Variants in MSI2 observed in about 807,000 individuals in gnomAD.
MSI2 encodes the protein musashi RNA binding protein 2.
A neutral mutation model predicts 45.6 loss-of-function variants in MSI2; 17 were observed. That is an observed-to-expected ratio of 0.37 (90% confidence interval 0.26 to 0.56). The LOEUF (loss-of-function observed/expected upper bound fraction) is 0.56. MSI2 is among the 20% of genes least tolerant of loss of function. MSI2 has a pLI of 0.77. For synonymous variants in MSI2, 156 were observed against 158.2 expected, an observed-to-expected ratio of 0.99 and a Z score of 0.11; for missense variants, 293 against 444.2, an observed-to-expected ratio of 0.66 and a Z score of 3.06.
At chr17:57,334,560 G>A (rs1331443768) in intron 5 of MSI2, among the ~76,000 whole-genome samples, 3 of 152,178 alleles carry the variant, frequency 2.0e-5, no homozygotes, top group East Asian at 1.9e-4. Flanking sequence ...TTGGGAAGCC[G>A]AGGTGGGAGG....
chr17:57,398,308 T>G (rs1561945), intron 5 of MSI2, among the ~76,000 whole-genome samples: 128,390 of 152,164 alleles, frequency 0.84, 54,412 homozygotes, highest in East Asian at 0.97. Context: ...GTTCAGATTA[T>G]AGTATGGCTC....
Position 57,257,076 on chromosome 17 carries a change from CTGTTA to C in MSI2, c.63-17_63-13del. On this transcript the variant is annotated splice_polypyrimidine_tract_variant and intron_variant, in intron 1 of 13. Coordinates refer to ENST00000284073, the MANE Select transcript of MSI2 (RefSeq NM_138962.4). ...GCCGATCTGACATCGGTGCTCACTT[CTGTTA>C]TGTTTTCTCCCTCTAGTAAAATGTT... is the stretch of plus-strand genomic sequence containing the variant. 7.2e-7 allele frequency: 1 copy of C among 1,391,188 alleles called. No homozygotes were observed. The highest frequency in any genetic ancestry group is 2.0e-4 in the Middle Eastern group (1 of 4,902). 86.2% of individuals were successfully genotyped at this position (1,391,188 alleles called of 1,614,324 possible). A position where few individuals can be genotyped will look rare whatever the true frequency, so the allele number is the denominator to read the frequency against.
intron 6 of MSI2, among the ~76,000 whole-genome samples, chr17:57,494,696 T>C (rs2085940930): frequency 6.6e-6 from 1 of 152,134 alleles, no homozygotes; most frequent in African/African-American, 2.4e-5. Flanking sequence ...GCCTCTTTTT[T>C]CCTCAGTTGA....
chr17:57,296,278 G>A (rs1598086362), intron 5 of MSI2, among the ~76,000 whole-genome samples: 2 of 152,146 alleles, frequency 1.3e-5, no homozygotes, highest in Non-Finnish European at 1.5e-5. Context: ...TTAATTTTTT[G>A]TTAGGCTCCT....
chr17:57,345,652 G>A (rs1210722445), intron 5 of MSI2, among the ~76,000 whole-genome samples: 2 of 151,814 alleles, frequency 1.3e-5, no homozygotes, highest in African/African-American at 4.8e-5. Flanking sequence ...AACCCTGTCT[G>A]TGCTAAAAAT....
intron 7 of MSI2, among the ~76,000 whole-genome samples, chr17:57,568,118 G>A (rs909716164): frequency 6.6e-6 from 1 of 152,156 alleles, no homozygotes; most frequent in African/African-American, 2.4e-5. Context: ...GGGGAGCTGG[G>A]TGCAGGAGAG....
chr17:57,569,675 T>TA (rs1292458623), intron 7 of MSI2, among the ~76,000 whole-genome samples: 1 of 152,198 alleles, frequency 6.6e-6, no homozygotes. Context: ...GATTGAAAAA[T>TA]ACTTTTTAAG....
chr17:57,469,789 T>A (rs765468509), intron 6 of MSI2, among the ~76,000 whole-genome samples: 2 of 152,252 alleles, frequency 1.3e-5, no homozygotes, highest in Admixed American at 6.5e-5. Context: ...TTCCAGATGG[T>A]TCTGCTTTTG....
At chr17:57,477,159 TG>T (rs2085555930) in intron 6 of MSI2, among the ~76,000 whole-genome samples, 1 of 89,986 alleles carries the variant, frequency 1.1e-5, no homozygotes, top group Non-Finnish European at 2.8e-5. Context: ...TGTGTGTGTG[TG>T]TGTGTGTGTG....
chr17:57,488,349 C>T (rs1382507778), intron 6 of MSI2, among the ~76,000 whole-genome samples: 1 of 152,222 alleles, frequency 6.6e-6, no homozygotes, highest in African/African-American at 2.4e-5. Flanking sequence ...TTGAAATTTC[C>T]TATCCTTGGG....
chr17:57,431,058 A>G (rs1403604591), intron 6 of MSI2, among the ~76,000 whole-genome samples: 9 of 152,224 alleles, frequency 5.9e-5, no homozygotes, highest in Non-Finnish European at 1.2e-4. Context: ...TTATTCCACA[A>G]TTGGGTGAAA....
chr17:57,458,057 G>A (rs2143597232), intron 6 of MSI2, among the ~76,000 whole-genome samples: 1 of 150,158 alleles, frequency 6.7e-6, no homozygotes, highest in South Asian at 2.1e-4. Flanking sequence ...ATATATATAA[G>A]TACATATTTT....
At chr17:57,439,680 T>C (rs1464950621) in intron 6 of MSI2, among the ~76,000 whole-genome samples, 1 of 151,810 alleles carries the variant, frequency 6.6e-6, no homozygotes, top group African/African-American at 2.4e-5. Context: ...TGCCTCAGCC[T>C]CCTGAGTAGC....
the MSI2 span, among the ~76,000 whole-genome samples, chr17:57,691,253 C>G: frequency 1.5e-3 from 223 of 150,570 alleles, no homozygotes; most frequent in African/African-American, 5.2e-3. Context: ...ATTGCCATAC[C>G]ACACTATCTT....
intron 7 of MSI2, among the ~76,000 whole-genome samples, chr17:57,553,740 G>A (rs1276273637): frequency 6.6e-6 from 1 of 152,194 alleles, no homozygotes; most frequent in Non-Finnish European, 1.5e-5. Flanking sequence ...AGAGATAACC[G>A]GTTGTTTTTG....
At chr17:57,476,410 G>A (rs12452591) in intron 6 of MSI2, among the ~76,000 whole-genome samples, 4,121 of 152,258 alleles carry the variant, frequency 0.027, 197 homozygotes, top group African/African-American at 0.093. Context: ...CAACTGTTTC[G>A]TCTAGAGTGG....
At chr17:57,359,715 T>C (rs374797267) in intron 5 of MSI2, among the ~76,000 whole-genome samples, 10 of 152,212 alleles carry the variant, frequency 6.6e-5, no homozygotes, top group East Asian at 5.8e-4. Context: ...ATCCCAATTG[T>C]TGAGGCCCTG....
intron 6 of MSI2, among the ~76,000 whole-genome samples, chr17:57,472,732 C>G (rs1490544693): frequency 6.6e-6 from 1 of 152,164 alleles, no homozygotes; most frequent in African/African-American, 2.4e-5. Flanking sequence ...AGCGTGGATC[C>G]TGGTACGTCG....
chr17:57,576,791 A>G (rs1344344329), intron 7 of MSI2, among the ~76,000 whole-genome samples: 1 of 151,578 alleles, frequency 6.6e-6, no homozygotes, highest in Non-Finnish European at 1.5e-5. Flanking sequence ...ATCGATGTCT[A>G]ATTTTAAAGA....
Sources: gnomAD v4.1 joint callset for allele counts (sites outside exome capture counted in the v4.1 genomes callset) on GRCh38, gnomAD v4.1.1 for gene constraint, MANE v1.5 for transcripts, NCBI Gene and HGNC (gene_info 2026-07-23, HGNC 2026-07-21) for gene names.